The following QKI variants were observed in gnomAD, a reference collection of about 807,000 sequenced individuals.
QKI encodes KH domain-containing RNA-binding protein QKI.
A neutral mutation model predicts 39.0 loss-of-function variants in QKI; 10 were observed. That is an observed-to-expected ratio of 0.26 (90% confidence interval 0.16 to 0.43). QKI has a LOEUF of 0.43. QKI is among the 20% of genes least tolerant of loss of function. The probability of loss-of-function intolerance (pLI) is 1.00; values close to 1 mark genes in which losing one functional copy is unlikely to be tolerated. For missense variants in QKI, 218 were observed against 428.0 expected (o/e 0.51, Z 4.33); for synonymous variants, 204 against 155.4 (o/e 1.31, Z -2.33).
At chr6:163,467,023 A>C (rs1434330810) in intron 2 of QKI, among the ~76,000 whole-genome samples, 1 of 150,140 alleles carries the variant, frequency 6.7e-6, no homozygotes, top group Admixed American at 6.6e-5. Context: ...AACTCAGCCC[A>C]AAACAACAAA....
chr6:163,429,994 A>G (rs1044756254), intron 1 of QKI, among the ~76,000 whole-genome samples: 2 of 152,172 alleles, frequency 1.3e-5, no homozygotes, highest in African/African-American at 4.8e-5. Context: ...TGAGGAGGCT[A>G]TGGAATGTTT....
At chr6:163,453,506 A>G (rs1790723536) in intron 1 of QKI, among the ~76,000 whole-genome samples, 1 of 152,166 alleles carries the variant, frequency 6.6e-6, no homozygotes, top group South Asian at 2.1e-4. Context: ...CCCTTGGTTA[A>G]TTACTTGCTG....
At chr6:163,431,197 T>C (rs1788802475) in intron 1 of QKI, among the ~76,000 whole-genome samples, 1 of 152,076 alleles carries the variant, frequency 6.6e-6, no homozygotes, top group South Asian at 2.1e-4. Context: ...AAAAAAGTTA[T>C]ATTATTCCAC....
At chr6:163,481,059 T>G (rs898722020) in intron 3 of QKI, among the ~76,000 whole-genome samples, 4 of 152,050 alleles carry the variant, frequency 2.6e-5, no homozygotes, top group Admixed American at 6.5e-5. Context: ...ATAATAAAAG[T>G]AAAGTCAGAA....
At chr6:163,530,804 G>A (rs1191858965) in intron 3 of QKI, among the ~76,000 whole-genome samples, 1 of 152,102 alleles carries the variant, frequency 6.6e-6, no homozygotes, top group African/African-American at 2.4e-5. Context: ...TTGCTACATT[G>A]TTTGATTTTG....
At chr6:163,418,862 C>G (rs79530476) in intron 1 of QKI, among the ~76,000 whole-genome samples, 5,558 of 152,178 alleles carry the variant, frequency 0.037, 342 homozygotes, top group African/African-American at 0.13. Flanking sequence ...GTCTATTAGA[C>G]TTAACAATCC....
chr6:163,478,902 T>A lies in QKI; in HGVS notation c.402+6T>A. 6.3e-7 allele frequency: 1 copy of A among 1,578,826 alleles called. No homozygotes were observed. Among genetic ancestry groups the A allele is most frequent in the Middle Eastern group, 1.7e-4 (1 of 5,962 alleles). ...CAATGAGGGATAAAAAAAAGGTAAG[T>A]CCTTGAAAATGGACTAAGTCTTTAT... On this transcript the variant is annotated splice_donor_region_variant and intron_variant, in intron 3 of 7. Transcript: ENST00000361752.
intron 7 of QKI, chr6:163,567,453 G>T: frequency 1.0e-6 from 1 of 985,022 alleles, no homozygotes; most frequent in Non-Finnish European, 1.2e-6. Context: ...GTCATTTGCT[G>T]CTAAAATATA....
At chr6:163,491,145 ACTGT>A (rs1477471062) in intron 3 of QKI, among the ~76,000 whole-genome samples, 4 of 152,156 alleles carry the variant, frequency 2.6e-5, no homozygotes, top group Non-Finnish European at 5.9e-5. Flanking sequence ...TGCTTTTCAA[ACTGT>A]CTGTGGTAAG....
rs374957723 is a variant in QKI, at chr6:163,577,397, TAAAAA to T, written c.*6695_*6699del. ...AATTTAAAAGTGGCAACACTAGACT[TAAAAA>T]AAAAAAAGTCTGATTGCCCATATTA... On this transcript the variant is annotated 3_prime_UTR_variant, in exon 8 of 8. Coordinates refer to ENST00000361752, the MANE Select transcript of QKI (RefSeq NM_006775.3). 8.9e-5 allele frequency: 13 copies of T among 146,124 alleles called. No homozygotes were observed. The highest frequency in any genetic ancestry group is 1.7e-4 in the Non-Finnish European group (11 of 65,996). The allele number at this position is 146,124 out of a possible 1,614,324, so 9.1% of individuals were successfully genotyped here.
intron 2 of QKI, among the ~76,000 whole-genome samples, chr6:163,471,474 A>G (rs1380748820): frequency 6.6e-6 from 1 of 152,190 alleles, no homozygotes; most frequent in Non-Finnish European, 1.5e-5. Context: ...TGTTGAGTTT[A>G]AAAGATACAG....
At chr6:163,510,429 C>T (rs982597281) in intron 3 of QKI, among the ~76,000 whole-genome samples, 19 of 148,624 alleles carry the variant, frequency 1.3e-4, no homozygotes, top group African/African-American at 2.5e-4. Flanking sequence ...GGCATGGTGG[C>T]GCATCCCTAT....
chr6:163,421,707 A>T (rs1788005826), intron 1 of QKI, among the ~76,000 whole-genome samples: 1 of 151,958 alleles, frequency 6.6e-6, no homozygotes, highest in South Asian at 2.1e-4. Flanking sequence ...TGATAAATTG[A>T]AGTTTTCACT....
chr6:163,434,710 CAAAA>C (rs111792775), intron 1 of QKI, among the ~76,000 whole-genome samples: 1 of 141,550 alleles, frequency 7.1e-6, no homozygotes. Flanking sequence ...GTGAGACTCT[CAAAA>C]AAAAAATTAA....
chr6:163,477,973 T>C (rs1792755369), intron 2 of QKI, among the ~76,000 whole-genome samples: 4 of 152,244 alleles, frequency 2.6e-5, no homozygotes, highest in Admixed American at 2.6e-4. Flanking sequence ...CTGTGGAATT[T>C]TGTGGAACTG....
intron 1 of QKI, among the ~76,000 whole-genome samples, chr6:163,427,243 CTTTTTTTTTTTTT>C (rs11375326): frequency 1.2e-5 from 1 of 85,794 alleles, no homozygotes; most frequent in Non-Finnish European, 2.2e-5. Flanking sequence ...ATACTCGTAC[CTTTTTTTTTTTTT>C]TTTTTTTTTG....
In QKI at chr6:163,574,910, G is replaced by T. The variant is rs1783898237; in HGVS notation, c.*4200G>T. ...ATAGAAGACAAAACTGTACCAATAC[G>T]CTGTTAACCAATCAGACTGTCCAGG... On this transcript the variant is annotated 3_prime_UTR_variant, in exon 8 of 8. Transcript: ENST00000361752. 6.6e-6 allele frequency: 1 copy of T among 152,140 alleles called. No homozygotes were observed. The highest frequency in any genetic ancestry group is 1.5e-5 in the Non-Finnish European group (1 of 68,024). The allele number at this position is 152,140 out of a possible 1,614,324, so 9.4% of individuals were successfully genotyped here.
intron 6 of QKI, chr6:163,566,323 C>A: frequency 8.4e-7 from 1 of 1,192,846 alleles, no homozygotes; most frequent in Non-Finnish European, 1.0e-6. Context: ...GTGATAAACT[C>A]TTGAAGTGGT....
intron 2 of QKI, among the ~76,000 whole-genome samples, chr6:163,476,921 A>G (rs1221411143): frequency 6.6e-6 from 1 of 152,104 alleles, no homozygotes; most frequent in Non-Finnish European, 1.5e-5. Context: ...TGTACATGCC[A>G]TCATCACTAT....
Sources: allele counts gnomAD v4.1 joint callset (sites outside exome capture counted in the v4.1 genomes callset), GRCh38; gene constraint gnomAD v4.1.1; transcripts MANE v1.5; gene names NCBI Gene and HGNC (gene_info 2026-07-23, HGNC 2026-07-21).